Variants in DUSP3 observed in about 807,000 individuals in gnomAD.
DUSP3 encodes dual specificity protein phosphatase 3.
A neutral mutation model predicts 15.5 loss-of-function variants in DUSP3; 7 were observed. The observed-to-expected ratio is 0.45, with a 90% CI of 0.26 to 0.85. DUSP3 has a LOEUF of 0.85. Among genes scored for constraint, DUSP3 ranks in the 40% least tolerant of loss-of-function variants. The pLI is 0.18. For missense variants in DUSP3, 209 were observed against 251.7 expected, an observed-to-expected ratio of 0.83 and a Z score of 1.15; for synonymous variants, 86 against 104.2, an observed-to-expected ratio of 0.83 and a Z score of 1.07.
chr17:43,769,541 G>A lies in DUSP3; in HGVS notation c.*68C>T. 8.9e-6 allele frequency: 14 copies of A among 1,569,404 alleles called. No homozygotes were observed. Among genetic ancestry groups the A allele is most frequent in the Non-Finnish European group, 1.2e-5 (14 of 1,148,230 alleles). ...AGGGTACAGTGTGTTTCCTAAACAT[G>A]GCAGCTCGGGACACCTTTGCCCACG... On this transcript the variant is annotated 3_prime_UTR_variant, in exon 3 of 3. Coordinates refer to ENST00000226004, the MANE Select transcript of DUSP3 (RefSeq NM_004090.4).
Position 43,777,017 on chromosome 17 carries a change from A to G in DUSP3, c.125+1783T>C, listed in dbSNP as rs532342215. On this transcript the variant is annotated intron_variant, in intron 1 of 2. Coordinates refer to ENST00000226004, the MANE Select transcript of DUSP3 (RefSeq NM_004090.4). ...AGATGGAGTTTCGCTCTTGTTGCCC[A>G]GTTGGAGTGCAACGGTACGATCTTG... Among the ~76,000 whole-genome samples the G allele has an allele frequency of 5.9e-5, 9 of 151,864 alleles. No homozygotes were observed. In the East Asian group the frequency reaches 1.7e-3, roughly 29 times the overall value.
rs1415979163 is a variant in DUSP3 at position 43,771,860 on chromosome 17, A to G, written c.353-2046T>C. ...CCCGTTTCTACTAAAAATACAAAAA[A>G]TTAGCTGGGCATGGTGGCACATGCC... On this transcript the variant is annotated intron_variant, in intron 2 of 2. Transcript: ENST00000226004. Among the ~76,000 whole-genome samples, 2 of 152,150 alleles carry G rather than the reference A, an allele frequency of 1.3e-5. 1 individual carries two copies. Among genetic ancestry groups the G allele is most frequent in the South Asian group, 4.1e-4 (2 of 4,832 alleles).
Position 43,774,767 on chromosome 17 carries a change from G to C in DUSP3, c.297C>G (p.Ser99Arg), listed in dbSNP as rs1193136018. ...KANDTQEFNL[S>R]AYFERAADFI... Reference sequence around the variant, plus strand: ...AGTCGGCAGCCCTTTCAAAGTAAGCGCTGAGGTTGAACTCCTGTGTGTCGT... The same window carrying C: ...AGTCGGCAGCCCTTTCAAAGTAAGCCCTGAGGTTGAACTCCTGTGTGTCGT... Residue 99 changes from serine (S) to arginine (R), a missense_variant, in exon 2 of 3, where the codon AGC becomes AGG. Physicochemically the swap from Ser to Arg is moderately radical, Grantham distance 110. Transcript: ENST00000226004. 2.5e-6 allele frequency: 4 copies of C among 1,614,152 alleles called. No individual in the cohort carries two copies. Among genetic ancestry groups the C allele is most frequent in the African/African-American group, 1.3e-5 (1 of 75,020 alleles).
intron 1 of DUSP3, chr17:43,778,163 C>G (rs1034663306): frequency 2.0e-5 from 3 of 153,244 alleles, no homozygotes; most frequent in African/African-American, 7.2e-5. Flanking sequence ...AGGTCAAGAG[C>G]CTTTTCTAGG....
intron 2 of DUSP3, among the ~76,000 whole-genome samples, chr17:43,770,579 C>T (rs1170255095): frequency 3.3e-5 from 5 of 150,554 alleles, no homozygotes; most frequent in South Asian, 2.2e-4. Flanking sequence ...ATTGCTTGAA[C>T]CCAGGAGGCA....
In DUSP3 at chr17:43,766,699, G is replaced by A. The variant is rs896762703; in HGVS notation, c.*2910C>T. On this transcript the variant is annotated 3_prime_UTR_variant, in exon 3 of 3. Transcript: ENST00000226004. Reference sequence around the variant, plus strand: ...ATTAGAGACCCCTCAGAGCCAAAAGGGGACCTTAGAGGTCTTCTAGATGAG... The same window carrying A: ...ATTAGAGACCCCTCAGAGCCAAAAGAGGACCTTAGAGGTCTTCTAGATGAG... 5.9e-5 allele frequency: 9 copies of A among 152,486 alleles called. No individual in the cohort carries two copies. The highest frequency in any genetic ancestry group is 4.6e-4 in the Admixed American group (7 of 15,256). 9.4% of individuals were successfully genotyped at this position (152,486 alleles called of 1,614,324 possible).
intron 1 of DUSP3, among the ~76,000 whole-genome samples, 177 bp from the exon 2 acceptor site, chr17:43,775,115 T>A (rs944922377): frequency 6.6e-6 from 1 of 152,208 alleles, no homozygotes; most frequent in Non-Finnish European, 1.5e-5. Flanking sequence ...CATATCGAAT[T>A]GCCAGCAGCT....
At position 43,769,514 on chromosome 17, in the gene DUSP3, G is replaced by T; in HGVS notation, c.*95C>A. The T allele has an allele frequency of 7.2e-7, 1 of 1,395,194 alleles. No individual in the cohort carries two copies. Among genetic ancestry groups the T allele is most frequent in the African/African-American group, 1.4e-5 (1 of 69,440 alleles). 86.4% of individuals were successfully genotyped at this position (1,395,194 alleles called of 1,614,324 possible). On this transcript the variant is annotated 3_prime_UTR_variant, in exon 3 of 3. Transcript: ENST00000226004. The stretch of plus-strand genomic sequence containing the variant: ...AGACAAGTGCCTTGTGATGCTGGGA[G>T]CAGGGTACAGTGTGTTTCCTAAACA...
intron 2 of DUSP3, among the ~76,000 whole-genome samples, chr17:43,770,291 G>A (rs971838700): frequency 6.6e-6 from 1 of 152,214 alleles, no homozygotes; most frequent in East Asian, 1.9e-4. Context: ...GAAGCAACAC[G>A]GAGGCAGCAC....
chr17:43,774,818 G>A lies in DUSP3; in HGVS notation c.246C>T (p.Gly82=), dbSNP rs763059564. The change falls in exon 2 of 3, where the codon GGC becomes GGT. Residue 82 remains glycine (G), a synonymous_variant. Coordinates refer to ENST00000226004, the MANE Select transcript of DUSP3 (RefSeq NM_004090.4). ...NTNANFYKDS[G]ITYLGIKAND... ...TGGCCTTGATGCCCAGGTATGTGAT[G>A]CCGGAGTCCTTGTAGAAGTTGGCAT... 6.2e-7 allele frequency: 1 copy of A among 1,614,066 alleles called. No homozygotes were observed. Among genetic ancestry groups the A allele is most frequent in the Non-Finnish European group, 8.5e-7 (1 of 1,180,030 alleles).
Position 43,778,964 on chromosome 17 carries a change from A to G in DUSP3, c.-40T>C. ...CCTGCACGCCCGGCAGGAGCAAGCGAGGCGGAGAGCGGCGGATCAGCTGGG... is the reference window on the plus strand; with the variant it reads ...CCTGCACGCCCGGCAGGAGCAAGCGGGGCGGAGAGCGGCGGATCAGCTGGG... On this transcript the variant is annotated 5_prime_UTR_variant, in exon 1 of 3. Coordinates refer to ENST00000226004, the MANE Select transcript of DUSP3 (RefSeq NM_004090.4). 7.5e-7 allele frequency: 1 copy of G among 1,332,342 alleles called. No homozygotes were observed. The highest frequency in any genetic ancestry group is 1.8e-5 in the South Asian group (1 of 54,196). 82.5% of individuals were successfully genotyped at this position (1,332,342 alleles called of 1,614,324 possible). A position where few individuals can be genotyped will look rare whatever the true frequency, so the allele number is the denominator to read the frequency against.
intron 2 of DUSP3, among the ~76,000 whole-genome samples, chr17:43,770,218 C>T (rs1474370775): frequency 6.6e-6 from 1 of 152,140 alleles, no homozygotes; most frequent in Non-Finnish European, 1.5e-5. Flanking sequence ...AGTTAGAAAC[C>T]CCCAAAGGCC....
chr17:43,777,140 T>C (rs1974399003), intron 1 of DUSP3, among the ~76,000 whole-genome samples: 1 of 152,036 alleles, frequency 6.6e-6, no homozygotes, highest in Non-Finnish European at 1.5e-5. Flanking sequence ...GCCCAGCTAA[T>C]TTTTGTATTT....
At position 43,769,677 on chromosome 17, in the gene DUSP3, C is replaced by T. The variant is rs778392947; in HGVS notation, c.490G>A (p.Asp164Asn). 18 of 1,613,336 alleles carry T rather than the reference C, an allele frequency of 1.1e-5. No individual in the cohort carries two copies. The highest frequency in any genetic ancestry group is 2.2e-5 in the South Asian group (2 of 91,036). The part of the protein sequence containing the change: ...VRQNREIGPN[D>N]GFLAQLCQLN... ...TGGCAGAGCTGGGCCAGGAAGCCAT[C>T]GTTGGGGCCGATCTCACGGTTCTGC... Residue 164 changes from aspartate (D) to asparagine (N), a missense_variant, in exon 3 of 3, where the codon GAT (aspartate) becomes AAT (asparagine). Transcript: ENST00000226004.
chr17:43,772,026 A>T (rs900507210), intron 2 of DUSP3, among the ~76,000 whole-genome samples: 1 of 152,034 alleles, frequency 6.6e-6, no homozygotes, highest in African/African-American at 2.4e-5. Flanking sequence ...AAAAAAAAAA[A>T]AAAGGCAAGA....
intron 1 of DUSP3, chr17:43,777,386 G>T (rs1974402607): frequency 2.5e-6 from 1 of 396,182 alleles, no homozygotes; most frequent in African/African-American, 2.1e-5. Context: ...TCAGACTGGT[G>T]AATGAATGAT....
Position 43,777,907 on chromosome 17 carries a change from A to G in DUSP3, c.125+893T>C, listed in dbSNP as rs183256728. On this transcript the variant is annotated intron_variant, in intron 1 of 2. Coordinates refer to ENST00000226004, the MANE Select transcript of DUSP3 (RefSeq NM_004090.4). Reference sequence around the variant, plus strand: ...GTAATCCCAGCACTTTTGGAGGCCGAGGTGGGCGGATCATGAGGTCAGGAG... The same window carrying G: ...GTAATCCCAGCACTTTTGGAGGCCGGGGTGGGCGGATCATGAGGTCAGGAG... 496 of 166,344 alleles carry G rather than the reference A, an allele frequency of 3.0e-3. 7 individuals carry two copies. The highest frequency in any genetic ancestry group is 0.011 in the African/African-American group (453 of 41,802). The allele number at this position is 166,344 out of a possible 1,614,324, so 10.3% of individuals were successfully genotyped here.
chr17:43,773,005 C>T (rs559328323), intron 2 of DUSP3, among the ~76,000 whole-genome samples: 2 of 152,340 alleles, frequency 1.3e-5, no homozygotes, highest in East Asian at 3.9e-4. Flanking sequence ...CAAAATCCTT[C>T]CCCTTCGCCC....
intron 2 of DUSP3, among the ~76,000 whole-genome samples, chr17:43,772,844 C>A (rs1002133971): frequency 6.6e-6 from 1 of 152,010 alleles, no homozygotes; most frequent in Non-Finnish European, 1.5e-5. Flanking sequence ...TAGGGAGAGG[C>A]AGAGAGAACT....
Sources: allele counts gnomAD v4.1 joint callset (sites outside exome capture counted in the v4.1 genomes callset), GRCh38; gene constraint gnomAD v4.1.1; transcripts MANE v1.5; gene names NCBI Gene and HGNC (gene_info 2026-07-23, HGNC 2026-07-21).